Variants in PCDHB7 observed in about 807,000 individuals in gnomAD.
PCDHB7 encodes the protein protocadherin beta-7.
For synonymous variants in PCDHB7, 542 were observed against 463.1 expected (o/e 1.17, Z -2.19); for missense variants, 1,148 against 1,011.6 (o/e 1.13, Z -1.83).
At position 141,173,432 on chromosome 5, in the gene PCDHB7, G is replaced by C; in HGVS notation, c.597G>C (p.Val199=). 1.9e-6 allele frequency: 3 copies of C among 1,614,188 alleles called. No homozygotes were observed. Among genetic ancestry groups the C allele is most frequent in the Non-Finnish European group, 2.5e-6 (3 of 1,180,040 alleles). The stretch of plus-strand genomic sequence containing the variant: ...ATCCCGAATTGGTGCTGAATCAAGT[G>C]CTGGATCGGGAAGAGATACCAGAGT... ...NIYPELVLNQ[V]LDREEIPEFS... Residue 199 remains valine (V), a synonymous_variant, in exon 1 of 1, where the codon GTG becomes GTC. Transcript: ENST00000231137.
chr5:141,175,899 A>G lies in PCDHB7; in HGVS notation c.*682A>G, dbSNP rs1354370130. 6 of 167,094 alleles carry G rather than the reference A, an allele frequency of 3.6e-5. No individual in the cohort carries two copies. The highest frequency in any genetic ancestry group is 1.4e-4 in the African/African-American group (6 of 41,458). 10.4% of individuals were successfully genotyped at this position (167,094 alleles called of 1,614,324 possible). On this transcript the variant is annotated 3_prime_UTR_variant, in exon 1 of 1. Transcript: ENST00000231137. ...TTTATACTGCTGTCCAATCTTTTCTATATTTAGAAATAATAATGTACATAT... is the reference window on the plus strand; with the variant it reads ...TTTATACTGCTGTCCAATCTTTTCTGTATTTAGAAATAATAATGTACATAT...
chr5:141,173,100 A>G lies in PCDHB7; in HGVS notation c.265A>G (p.Lys89Glu). ...TACTGGTGATCTACTTCTAAATGAG[A>G]AATTGGACCGAGAGGAACTGTGTGG... The part of the protein sequence containing the change: ...SLTGDLLLNE[K>E]LDREELCGPR... Residue 89 changes from lysine to glutamate, a missense_variant, in exon 1 of 1, where the codon AAA becomes GAA. Coordinates refer to ENST00000231137, the MANE Select transcript of PCDHB7 (RefSeq NM_018940.4). The G allele has an allele frequency of 6.2e-7, 1 of 1,614,152 alleles. No individual in the cohort carries two copies. The highest frequency in any genetic ancestry group is 8.5e-7 in the Non-Finnish European group (1 of 1,180,030).
Position 141,174,615 on chromosome 5 carries a change from G to A in PCDHB7, c.1780G>A (p.Gly594Ser), listed in dbSNP as rs782045513. The A allele has an allele frequency of 1.2e-6, 2 of 1,610,086 alleles. No homozygotes were observed. Among genetic ancestry groups the A allele is most frequent in the East Asian group, 2.2e-5 (1 of 44,854 alleles). ...GGTGACCAAGGTGGTGGCGGTGGAC[G>A]GCGACTCGGGCCAGAACGCCTGGCT... ...YLVTKVVAVD[G>S]DSGQNAWLSY... Residue 594 changes from glycine (G) to serine (S), a missense_variant, in exon 1 of 1, where the codon GGC becomes AGC. Physicochemically the swap from Gly to Ser is moderately conservative, Grantham distance 56 (BLOSUM62 0). Coordinates refer to ENST00000231137, the MANE Select transcript of PCDHB7 (RefSeq NM_018940.4).
chr5:141,174,790 G>A lies in PCDHB7; in HGVS notation c.1955G>A (p.Arg652His), dbSNP rs1319200311. Residue 652 changes from arginine to histidine, a missense_variant, in exon 1 of 1, where the codon CGC becomes CAC. Physicochemically the swap from Arg to His is conservative, Grantham distance 29. Transcript: ENST00000231137. Reference protein sequence around the residue: ...VLVKDNGEPPRSATATLHVLL... With the variant: ...VLVKDNGEPPHSATATLHVLL... ...GTCAAGGACAATGGCGAGCCTCCGC[G>A]CTCGGCCACCGCCACGCTGCACGTG... 1 of 1,611,228 alleles carries A rather than the reference G, an allele frequency of 6.2e-7. No individual in the cohort carries two copies. Among genetic ancestry groups the A allele is most frequent in the Non-Finnish European group, 8.5e-7 (1 of 1,179,682 alleles).
Position 141,173,808 on chromosome 5 carries a change from G to T in PCDHB7, c.973G>T (p.Gly325Cys), listed in dbSNP as rs199732939. Reference protein sequence around the residue: ...YTLTIQAKDGGGLSGKCTVVV... With the variant: ...YTLTIQAKDGCGLSGKCTVVV... Reference sequence around the variant, plus strand: ...ATTAACTATTCAGGCCAAAGACGGCGGCGGGCTTTCTGGAAAATGCACTGT... The same window carrying T: ...ATTAACTATTCAGGCCAAAGACGGCTGCGGGCTTTCTGGAAAATGCACTGT... The change falls in exon 1 of 1, where the codon GGC becomes TGC. Residue 325 changes from glycine to cysteine, a missense_variant. Gly to Cys is a radical substitution (Grantham distance 159, BLOSUM62 -3). Coordinates refer to ENST00000231137, the MANE Select transcript of PCDHB7 (RefSeq NM_018940.4). 8.5e-5 allele frequency: 138 copies of T among 1,614,058 alleles called. No individual in the cohort carries two copies. The highest frequency in any genetic ancestry group is 1.1e-4 in the African/African-American group (8 of 74,926).
Position 141,174,869 on chromosome 5 carries a change from G to A in PCDHB7, c.2034G>A (p.Pro678=), listed in dbSNP as rs782469503. The A allele has an allele frequency of 3.9e-5, 63 of 1,610,934 alleles. 1 individual carries two copies. The highest frequency in any genetic ancestry group is 4.5e-5 in the Non-Finnish European group (53 of 1,178,650). ...QPYLRLPEAA[P]DQANSLTVYL... is the part of the protein sequence containing the mutation. ...ACCTGCGGCTCCCGGAGGCGGCCCC[G>A]GACCAGGCCAACTCGCTCACCGTCT... Residue 678 remains proline, a synonymous_variant, in exon 1 of 1, where the codon CCG becomes CCA. Coordinates refer to ENST00000231137, the MANE Select transcript of PCDHB7 (RefSeq NM_018940.4).
rs149003370 is a variant in PCDHB7 at position 141,173,436 on chromosome 5, G to C, written c.601G>C (p.Asp201His). The change falls in exon 1 of 1, where the codon GAT becomes CAT. Residue 201 changes from aspartate to histidine, a missense_variant. Physicochemically the swap from Asp to His is moderately conservative, Grantham distance 81. Coordinates refer to ENST00000231137, the MANE Select transcript of PCDHB7 (RefSeq NM_018940.4). ...YPELVLNQVL[D>H]REEIPEFSLT... Reference sequence around the variant, plus strand: ...CGAATTGGTGCTGAATCAAGTGCTGGATCGGGAAGAGATACCAGAGTTCAG... The same window carrying C: ...CGAATTGGTGCTGAATCAAGTGCTGCATCGGGAAGAGATACCAGAGTTCAG... 1 of 1,614,164 alleles carries C rather than the reference G, an allele frequency of 6.2e-7. No individual in the cohort carries two copies. The highest frequency in any genetic ancestry group is 8.5e-7 in the Non-Finnish European group (1 of 1,180,034).
rs1331950969 is a variant in PCDHB7, at chr5:141,175,466, G to T, written c.*249G>T. On this transcript the variant is annotated 3_prime_UTR_variant, in exon 1 of 1. Transcript: ENST00000231137. ...ATACAGTCTATTAAATGTAAGTCTT[G>T]TTTGAGATATTTTAAATTGCTTTCC... 9.5e-6 allele frequency: 5 copies of T among 523,676 alleles called. No homozygotes were observed. Among genetic ancestry groups the T allele is most frequent in the African/African-American group, 2.0e-5 (1 of 49,180 alleles). The allele number at this position is 523,676 out of a possible 1,614,324, so 32.4% of individuals were successfully genotyped here.
chr5:141,175,381 C>A lies in PCDHB7; in HGVS notation c.*164C>A. 1.2e-6 allele frequency: 1 copy of A among 834,740 alleles called. No homozygotes were observed. The highest frequency in any genetic ancestry group is 1.8e-6 in the Non-Finnish European group (1 of 547,894). 51.7% of individuals were successfully genotyped at this position (834,740 alleles called of 1,614,324 possible). A position where few individuals can be genotyped will look rare whatever the true frequency, so the allele number is the denominator to read the frequency against. ...TAGGATCCTGATTTAGTATCAAGAA[C>A]CCTTCACAAAGCATGAAATGTATAT... On this transcript the variant is annotated 3_prime_UTR_variant, in exon 1 of 1. Transcript: ENST00000231137.
rs782022941 is a variant in PCDHB7 at position 141,175,115 on chromosome 5, T to C, written c.2280T>C (p.Asn760=). ...GCCTGACTGGAGGCTCCGGGACAAA[T>C]GAGTTCAAGTTTCTGAAACCAATTA... ...EVCLTGGSGT[N]EFKFLKPIIP... The change falls in exon 1 of 1, where the codon AAT becomes AAC. Residue 760 remains asparagine, a synonymous_variant. Transcript: ENST00000231137. 2 of 1,614,072 alleles carry C rather than the reference T, an allele frequency of 1.2e-6. No individual in the cohort carries two copies. The highest frequency in any genetic ancestry group is 1.7e-6 in the Non-Finnish European group (2 of 1,180,058).
chr5:141,174,087 A>G lies in PCDHB7; in HGVS notation c.1252A>G (p.Asn418Asp), dbSNP rs782250774. 6.2e-7 allele frequency: 1 copy of G among 1,614,098 alleles called. No individual in the cohort carries two copies. The highest frequency in any genetic ancestry group is 8.5e-7 in the Non-Finnish European group (1 of 1,179,978). Reference protein sequence around the residue: ...PLDRERNTEYNITITVTDLGT... With the variant: ...PLDRERNTEYDITITVTDLGT... ...GGATCGAGAGAGGAACACTGAGTACAACATCACCATCACCGTCACCGACTT... is the reference window on the plus strand; with the variant it reads ...GGATCGAGAGAGGAACACTGAGTACGACATCACCATCACCGTCACCGACTT... The change falls in exon 1 of 1, where the codon AAC becomes GAC. Residue 418 changes from asparagine to aspartate, a missense_variant. By Grantham distance (23) the Asn-to-Asp change is conservative. Transcript: ENST00000231137.
At position 141,173,866 on chromosome 5, in the gene PCDHB7, G is replaced by C; in HGVS notation, c.1031G>C (p.Arg344Pro). The C allele has an allele frequency of 6.2e-7, 1 of 1,613,780 alleles. No homozygotes were observed. Among genetic ancestry groups the C allele is most frequent in the Non-Finnish European group, 8.5e-7 (1 of 1,179,858 alleles). ...VVDVTDINDN[R>P]PELLLSSLTS... ...GATGTAACAGATATAAACGATAATC[G>C]ACCCGAGCTGCTCCTGTCTTCACTT... Residue 344 changes from arginine to proline, a missense_variant, in exon 1 of 1, where the codon CGA becomes CCA. By Grantham distance (103) the Arg-to-Pro change is moderately radical (BLOSUM62 -2). Transcript: ENST00000231137.
chr5:141,175,445 A>T lies in PCDHB7; in HGVS notation c.*228A>T, dbSNP rs1241511568. 1.2e-5 allele frequency: 7 copies of T among 584,932 alleles called. No individual in the cohort carries two copies. Among genetic ancestry groups the T allele is most frequent in the Admixed American group, 3.5e-5 (1 of 28,396 alleles). The allele number at this position is 584,932 out of a possible 1,614,324, so 36.2% of individuals were successfully genotyped here. On this transcript the variant is annotated 3_prime_UTR_variant, in exon 1 of 1. Coordinates refer to ENST00000231137, the MANE Select transcript of PCDHB7 (RefSeq NM_018940.4). ...TGTCAAACAATTATGCTTAATATAC[A>T]GTCTATTAAATGTAAGTCTTGTTTG...
Position 141,174,185 on chromosome 5 carries a change from C to T in PCDHB7, c.1350C>T (p.Ala450=). 1.2e-6 allele frequency: 2 copies of T among 1,613,606 alleles called. No homozygotes were observed. Among genetic ancestry groups the T allele is most frequent in the Non-Finnish European group, 1.7e-6 (2 of 1,180,042 alleles). ...CCGACGTCAATGACAACGCTCCCGC[C>T]TTCACCCAAACCTCCTACACCCTGT... ...LVSDVNDNAP[A]FTQTSYTLFV... Residue 450 remains alanine (A), a synonymous_variant, in exon 1 of 1, where the codon GCC becomes GCT. Transcript: ENST00000231137.
In PCDHB7 at chr5:141,173,645, T is replaced by G; in HGVS notation, c.810T>G (p.Asp270Glu). The part of the protein sequence containing the change: ...MVVSVSARDL[D>E]TGSNGEIAYA... Reference sequence around the variant, plus strand: ...TCTCCGTGTCAGCCAGAGATTTAGATACCGGAAGTAATGGGGAAATAGCCT... The same window carrying G: ...TCTCCGTGTCAGCCAGAGATTTAGAGACCGGAAGTAATGGGGAAATAGCCT... Residue 270 changes from aspartate to glutamate, a missense_variant, in exon 1 of 1, where the codon GAT (aspartate) becomes GAG (glutamate). Transcript: ENST00000231137. 4 of 1,614,186 alleles carry G rather than the reference T, an allele frequency of 2.5e-6. No individual in the cohort carries two copies. The highest frequency in any genetic ancestry group is 3.4e-6 in the Non-Finnish European group (4 of 1,180,036).
Position 141,173,714 on chromosome 5 carries a change from A to G in PCDHB7, c.879A>G (p.Gln293=). 1 of 1,614,086 alleles carries G rather than the reference A, an allele frequency of 6.2e-7. No individual in the cohort carries two copies. Among genetic ancestry groups the G allele is most frequent in the South Asian group, 1.1e-5 (1 of 91,088 alleles). The part of the protein sequence containing the change: ...YATERILKTF[Q]INPTSGSLHL... The stretch of plus-strand genomic sequence containing the variant: ...CTGAAAGAATTCTCAAAACGTTTCA[A>G]ATCAATCCAACATCTGGCAGTCTTC... Residue 293 remains glutamine (Q), a synonymous_variant, in exon 1 of 1, where the codon CAA becomes CAG. Coordinates refer to ENST00000231137, the MANE Select transcript of PCDHB7 (RefSeq NM_018940.4).
In PCDHB7 at chr5:141,174,270, G is replaced by T. The variant is rs1554280205; in HGVS notation, c.1435G>T (p.Asp479Tyr). 1.2e-6 allele frequency: 2 copies of T among 1,612,604 alleles called. No individual in the cohort carries two copies. Among genetic ancestry groups the T allele is most frequent in the Non-Finnish European group, 1.7e-6 (2 of 1,179,596 alleles). Residue 479 changes from aspartate to tyrosine, a missense_variant, in exon 1 of 1, where the codon GAC (aspartate) becomes TAC (tyrosine). By Grantham distance (160) the Asp-to-Tyr change is radical (BLOSUM62 -3). Transcript: ENST00000231137. ...CGGCAGTGTCAGCGCCACAGACAGAGACTCGGGCACCAACGCCCAGGTCAT... is the reference window on the plus strand; with the variant it reads ...CGGCAGTGTCAGCGCCACAGACAGATACTCGGGCACCAACGCCCAGGTCAT... ...PIGSVSATDR[D>Y]SGTNAQVIYS...
In PCDHB7 at chr5:141,176,139, C is replaced by T. The variant is rs547876533; in HGVS notation, c.*922C>T. 2 of 167,134 alleles carry T rather than the reference C, an allele frequency of 1.2e-5. No homozygotes were observed. The highest frequency in any genetic ancestry group is 2.9e-5 in the Non-Finnish European group (2 of 68,130). The allele number at this position is 167,134 out of a possible 1,614,324, so 10.4% of individuals were successfully genotyped here. A position where few individuals can be genotyped will look rare whatever the true frequency, so the allele number is the denominator to read the frequency against. On this transcript the variant is annotated 3_prime_UTR_variant, in exon 1 of 1. Coordinates refer to ENST00000231137, the MANE Select transcript of PCDHB7 (RefSeq NM_018940.4). ...TAGGAATATTACATAATTTTGATTG[C>T]ATCATTAGTTAATTATTTTCTTCAT...
rs1753262211 is a variant in PCDHB7 at position 141,173,337 on chromosome 5, AG to A, written c.503del (p.Ser168IlefsTer29). ...QDSDVGTNSL[S>X]NYTISPNAYF... ...TTCAGATGTTGGAACCAACAGCCTG[AG>A]TAACTACACCATCAGCCCCAATGCC... On this transcript the variant is annotated frameshift_variant, in exon 1 of 1. Transcript: ENST00000231137. LOFTEE classifies it low-confidence loss of function (END_TRUNC). 1 of 1,613,988 alleles carries A rather than the reference AG, an allele frequency of 6.2e-7. No homozygotes were observed. The highest frequency in any genetic ancestry group is 8.5e-7 in the Non-Finnish European group (1 of 1,179,906).
Sources: gnomAD v4.1 joint callset for allele counts on GRCh38, gnomAD v4.1.1 for gene constraint, MANE v1.5 for transcripts, NCBI Gene and HGNC (gene_info 2026-07-23, HGNC 2026-07-21) for gene names.